The following ASPH variants were observed in gnomAD, a reference collection of about 807,000 sequenced individuals.
ASPH encodes the protein aspartate beta-hydroxylase.
In ASPH, 100 loss-of-function variants were observed where a neutral mutation model predicts 118.4. That is an observed-to-expected ratio of 0.84 (90% CI 0.72 to 1.00). The LOEUF (loss-of-function observed/expected upper bound fraction) is 1.00, where lower values mean the gene tolerates loss of function less well. Among genes scored for constraint, ASPH ranks in the 50% least tolerant of loss-of-function variants. The pLI, the probability that ASPH is intolerant of heterozygous loss-of-function variation, is 0.00. For missense variants in ASPH, 920 were observed against 919.5 expected (o/e 1.00, Z -0.01); for synonymous variants, 315 against 325.6 (o/e 0.97, Z 0.35).
rs1204862306 is a variant in ASPH at position 61,643,931 on chromosome 8, T to C, written c.709+14A>G. 1 of 1,605,044 alleles carries C rather than the reference T, an allele frequency of 6.2e-7. No individual in the cohort carries two copies. Among genetic ancestry groups the C allele is most frequent in the Non-Finnish European group, 8.5e-7 (1 of 1,172,574 alleles). ...ATCAGAAAACACATATCAATAATTT[T>C]AACATTTACAAACCTGGATTTTCCT... On this transcript the variant is annotated intron_variant, in intron 8 of 24. Transcript: ENST00000379454.
At chr8:61,513,329 A>G (rs1490668033) in intron 24 of ASPH, among the ~76,000 whole-genome samples, 2 of 152,182 alleles carry the variant, frequency 1.3e-5, no homozygotes, top group African/African-American at 2.4e-5. Flanking sequence ...ACTGTCTACT[A>G]TCAGATTTCT....
intron 13 of ASPH, chr8:61,625,174 A>G (rs902611213): frequency 1.0e-6 from 1 of 985,732 alleles, no homozygotes; most frequent in Non-Finnish European, 1.2e-6. Context: ...CTTTTCTGAC[A>G]AAGGATTATT....
Position 61,517,602 on chromosome 8 carries a change from G to A in ASPH, c.2052C>T (p.Asn684=), listed in dbSNP as rs1422388858. 1 of 1,614,164 alleles carries A rather than the reference G, an allele frequency of 6.2e-7. No homozygotes were observed. The highest frequency in any genetic ancestry group is 2.2e-5 in the East Asian group (1 of 44,868). The part of the protein sequence containing the change: ...THVWPHTGPT[N]CRLRMHLGLV... ...AGCCCAGGTGCATTCGGAGCCTGCA[G>A]TTTGTGGGCCCTGTGTGCGGCCACA... Residue 684 remains asparagine (N), a synonymous_variant, in exon 24 of 25, where the codon AAC becomes AAT. Transcript: ENST00000379454.
At chr8:61,700,610 C>A (rs1336846717) in intron 1 of ASPH, among the ~76,000 whole-genome samples, 1 of 152,192 alleles carries the variant, frequency 6.6e-6, no homozygotes, top group African/African-American at 2.4e-5. Flanking sequence ...TCGGGCTCAA[C>A]CACAGGAAAT....
intron 18 of ASPH, among the ~76,000 whole-genome samples, chr8:61,562,358 CAAAAAA>C (rs66585881): frequency 3.6e-5 from 4 of 111,352 alleles, no homozygotes; most frequent in Non-Finnish European, 5.3e-5. Context: ...ATACTTCTGC[CAAAAAA>C]AAAAAAAAAA....
intron 14 of ASPH, among the ~76,000 whole-genome samples, chr8:61,595,548 A>G (rs1008298912): frequency 6.6e-6 from 1 of 152,260 alleles, no homozygotes; most frequent in African/African-American, 2.4e-5. Flanking sequence ...TAAACTTGGT[A>G]AAATTTCTAA....
chr8:61,657,915 G>C (rs925883862), intron 3 of ASPH: 5 of 152,146 alleles, frequency 3.3e-5, no homozygotes, highest in Non-Finnish European at 1.5e-5. Flanking sequence ...TAATTCAAAG[G>C]TGTACAGATG....
At chr8:61,515,818 C>T (rs1810692000) in intron 24 of ASPH, among the ~76,000 whole-genome samples, 1 of 152,212 alleles carries the variant, frequency 6.6e-6, no homozygotes, top group South Asian at 2.1e-4. Flanking sequence ...CTGTATCACA[C>T]ATTCAAGAGT....
intron 13 of ASPH, among the ~76,000 whole-genome samples, chr8:61,630,188 G>C (rs1854936041): frequency 6.6e-6 from 1 of 152,092 alleles, no homozygotes. Context: ...TTAGTATTAG[G>C]ATAATCAGAG....
chr8:61,501,442 A>ATAAT lies in ASPH; in HGVS notation c.*1913_*1916dup, dbSNP rs1482927881. On this transcript the variant is annotated 3_prime_UTR_variant, in exon 25 of 25. Transcript: ENST00000379454. The stretch of plus-strand genomic sequence containing the variant: ...TAAGAGCTAGTTTTTACTCTCTTCC[A>ATAAT]TAATTTCATTACATGAATGTAAGAT... 1 of 152,174 alleles carries ATAAT rather than the reference A, an allele frequency of 6.6e-6. No individual in the cohort carries two copies. The highest frequency in any genetic ancestry group is 6.5e-5 in the Admixed American group (1 of 15,270). 9.4% of individuals were successfully genotyped at this position (152,174 alleles called of 1,614,324 possible).
intron 3 of ASPH, chr8:61,657,858 A>C (rs1001539360): frequency 6.6e-6 from 1 of 152,198 alleles, no homozygotes; most frequent in African/African-American, 2.4e-5. Flanking sequence ...TAGCCCATTA[A>C]AAAGCTAAAA....
In ASPH at chr8:61,578,665, G is replaced by A. The variant is rs370465471; in HGVS notation, c.1063-1807C>T. 1.0e-3 allele frequency: 1,614 copies of A among 1,600,094 alleles called. 3 individuals carry two copies. The highest frequency in any genetic ancestry group is 1.2e-3 in the Non-Finnish European group (1,359 of 1,175,002). ...GAGAGCTACATCAACAACCTTAGGC[G>A]GCAGCTGGAGACTCTGGGCCAGGAG... is the stretch of plus-strand genomic sequence containing the variant. On this transcript the variant is annotated intron_variant, in intron 15 of 24. Transcript: ENST00000379454.
intron 3 of ASPH, among the ~76,000 whole-genome samples, chr8:61,672,044 T>A (rs913188833): frequency 6.6e-6 from 1 of 152,168 alleles, no homozygotes; most frequent in Non-Finnish European, 1.5e-5. Flanking sequence ...TCTTCCTCCG[T>A]CCCATACTGG....
At chr8:61,700,546 T>C (rs1353055555) in intron 1 of ASPH, among the ~76,000 whole-genome samples, 2 of 152,202 alleles carry the variant, frequency 1.3e-5, no homozygotes, top group Admixed American at 6.5e-5. Context: ...CCTGTTAGCA[T>C]CCAGGCAGAT....
chr8:61,553,148 T>C, intron 19 of ASPH, 28 bp from the exon 20 acceptor site: 1 of 1,490,386 alleles, frequency 6.7e-7, no homozygotes, highest in Middle Eastern at 1.7e-4. Flanking sequence ...TTAGTATGGG[T>C]AAAATAATTA....
intron 3 of ASPH, among the ~76,000 whole-genome samples, chr8:61,673,595 T>C (rs1041444632): frequency 3.3e-5 from 5 of 152,162 alleles, no homozygotes; most frequent in African/African-American, 1.2e-4. Context: ...TTCAAATTAA[T>C]GGGATATGAT....
intron 21 of ASPH, among the ~76,000 whole-genome samples, chr8:61,545,059 G>A (rs914151687): frequency 1.1e-4 from 17 of 152,310 alleles, no homozygotes; most frequent in Admixed American, 9.8e-4. Flanking sequence ...ATGGTAAAGG[G>A]CAGTGGTAAG....
intron 13 of ASPH, chr8:61,624,360 T>C (rs1045950627): frequency 1.0e-6 from 1 of 985,372 alleles, no homozygotes; most frequent in Non-Finnish European, 1.2e-6. Context: ...AGCATGATAG[T>C]AAATGCAAAA....
At chr8:61,578,573 G>T (rs1373903363) in intron 15 of ASPH, 27 of 1,523,376 alleles carry the variant, frequency 1.8e-5, no homozygotes, top group Non-Finnish European at 2.1e-5. Flanking sequence ...AGAACAAGAT[G>T]CTGGAGACCA....
Sources: allele counts gnomAD v4.1 joint callset (sites outside exome capture counted in the v4.1 genomes callset), GRCh38; gene constraint gnomAD v4.1.1; transcripts MANE v1.5; gene names NCBI Gene and HGNC (gene_info 2026-07-23, HGNC 2026-07-21).